The following EXOC4 variants were observed in gnomAD, a reference collection of about 807,000 sequenced individuals.
The protein encoded by EXOC4 is SEC8-like 1.
A neutral mutation model predicts 107.2 loss-of-function variants in EXOC4; 71 were observed. The observed-to-expected ratio is 0.66, with a 90% CI of 0.55 to 0.81. The LOEUF is 0.81. EXOC4 is among the 30% of genes least tolerant of loss of function. The pLI is 0.00. For missense variants in EXOC4, 1,108 were observed against 1,189.6 expected (o/e 0.93, Z 1.01); for synonymous variants, 456 against 441.2 (o/e 1.03, Z -0.42).
At chr7:133,770,235 A>G (rs572093850) in intron 10 of EXOC4, among the ~76,000 whole-genome samples, 195 of 151,992 alleles carry the variant, frequency 1.3e-3, no homozygotes, top group African/African-American at 4.4e-3. Flanking sequence ...TCTCTCAGGT[A>G]GATGCTAGAG....
chr7:133,901,294 C>CT (rs1242665775), intron 12 of EXOC4, among the ~76,000 whole-genome samples: 2 of 152,026 alleles, frequency 1.3e-5, no homozygotes, highest in East Asian at 3.9e-4. Context: ...CATAAGCAAT[C>CT]TTTTTTTTAT....
intron 9 of EXOC4, among the ~76,000 whole-genome samples, chr7:133,604,004 A>G (rs1801872005): frequency 1.1e-5 from 1 of 88,514 alleles, no homozygotes; most frequent in East Asian, 3.9e-4. Context: ...CTAATTTCAG[A>G]ATTTTTTTTT....
At chr7:134,080,689 T>A in the EXOC4 span, among the ~76,000 whole-genome samples, 4 of 151,992 alleles carry the variant, frequency 2.6e-5, no homozygotes, top group Admixed American at 2.0e-4. Flanking sequence ...ATGCCCATAA[T>A]CCCATTCTTT....
chr7:133,605,760 T>A (rs896622356), intron 9 of EXOC4, among the ~76,000 whole-genome samples: 1 of 151,980 alleles, frequency 6.6e-6, no homozygotes, highest in Non-Finnish European at 1.5e-5. Flanking sequence ...GCTGGAGATA[T>A]GAGTTGAGGA....
chr7:133,757,770 G>A (rs544846736), intron 10 of EXOC4, among the ~76,000 whole-genome samples: 12 of 152,232 alleles, frequency 7.9e-5, no homozygotes, highest in Admixed American at 2.0e-4. Context: ...TACTGTGTGG[G>A]TGCTTCTGTG....
In EXOC4 at chr7:133,475,336, A is replaced by T; in HGVS notation, c.1191A>T (p.Leu397Phe). ...VKIQDVLQML[L>F]TEYLDMKNTR... ...TTTATCTGGTTGTACAGATGCTATT[A>T]ACTGAGTACTTGGATATGAAAAATA... The change falls in exon 8 of 18, where the codon TTA becomes TTT. Residue 397 changes from leucine (L) to phenylalanine (F), a missense_variant. Transcript: ENST00000253861. 6.2e-7 allele frequency: 1 copy of T among 1,612,296 alleles called. No individual in the cohort carries two copies. The highest frequency in any genetic ancestry group is 8.5e-7 in the Non-Finnish European group (1 of 1,178,626).
At chr7:133,969,029 T>A (rs1368410510) in intron 14 of EXOC4, among the ~76,000 whole-genome samples, 1 of 152,198 alleles carries the variant, frequency 6.6e-6, no homozygotes, top group Non-Finnish European at 1.5e-5. Flanking sequence ...CTTAGAGGCT[T>A]TGATCGTTCC....
intron 11 of EXOC4, among the ~76,000 whole-genome samples, chr7:133,856,648 T>C (rs115216277): frequency 6.6e-6 from 1 of 152,190 alleles, no homozygotes; most frequent in Non-Finnish European, 1.5e-5. Context: ...ACATTTATAA[T>C]AATAACTATG....
At chr7:133,749,955 GTTTTTTT>G (rs56902982) in intron 10 of EXOC4, among the ~76,000 whole-genome samples, 7 of 62,106 alleles carry the variant, frequency 1.1e-4, no homozygotes, top group South Asian at 1.5e-3. Flanking sequence ...GTGGTTGGCA[GTTTTTTT>G]TTTTTTTTTT....
intron 6 of EXOC4, among the ~76,000 whole-genome samples, chr7:133,360,161 G>C (rs1440161766): frequency 2.0e-5 from 3 of 152,120 alleles, no homozygotes; most frequent in Non-Finnish European, 4.4e-5. Context: ...TTCAACTCCT[G>C]CTGCCTAATT....
intron 7 of EXOC4, among the ~76,000 whole-genome samples, chr7:133,460,254 G>C (rs1798559302): frequency 6.6e-6 from 1 of 152,174 alleles, no homozygotes; most frequent in African/African-American, 2.4e-5. Context: ...ATCTAATGCT[G>C]CTGACGGGAG....
chr7:133,823,853 AT>A (rs1256787890), intron 11 of EXOC4, among the ~76,000 whole-genome samples: 1 of 15,976 alleles, frequency 6.3e-5, no homozygotes, highest in Non-Finnish European at 8.9e-5. Flanking sequence ...TTATATATAT[AT>A]ATATATATAT....
intron 9 of EXOC4, among the ~76,000 whole-genome samples, chr7:133,554,490 T>C (rs953465690): frequency 1.3e-5 from 2 of 152,198 alleles, no homozygotes; most frequent in Admixed American, 6.5e-5. Context: ...TGTACCTATC[T>C]GCCTGATCTG....
intron 5 of EXOC4, among the ~76,000 whole-genome samples, chr7:133,354,286 TC>T (rs1795976572): frequency 6.6e-6 from 1 of 152,126 alleles, no homozygotes; most frequent in South Asian, 2.1e-4. Flanking sequence ...CTCCCTCTTT[TC>T]CCGGGTTCTC....
At chr7:133,366,419 TTAAAGAA>T (rs927522850) in intron 6 of EXOC4, among the ~76,000 whole-genome samples, 5 of 152,224 alleles carry the variant, frequency 3.3e-5, no homozygotes, top group African/African-American at 1.2e-4. Context: ...AGAAGTGTGT[TTAAAGAA>T]TAAACACTTT....
chr7:133,334,060 T>C (rs1184608821), intron 5 of EXOC4, among the ~76,000 whole-genome samples: 1 of 152,238 alleles, frequency 6.6e-6, no homozygotes, highest in East Asian at 1.9e-4. Flanking sequence ...TGTTATTTAT[T>C]TGCAATACTT....
At chr7:133,367,009 G>A (rs949103872) in intron 6 of EXOC4, among the ~76,000 whole-genome samples, 1 of 152,190 alleles carries the variant, frequency 6.6e-6, no homozygotes, top group East Asian at 1.9e-4. Context: ...GATGGCTTGG[G>A]TATGAGGGAG....
At chr7:133,818,956 A>C (rs1411198762) in intron 11 of EXOC4, among the ~76,000 whole-genome samples, 1 of 152,094 alleles carries the variant, frequency 6.6e-6, no homozygotes, top group Non-Finnish European at 1.5e-5. Flanking sequence ...GATAGGCAGC[A>C]CAAGTAGAAG....
chr7:133,383,157 C>G (rs1208987399), intron 7 of EXOC4, among the ~76,000 whole-genome samples: 1 of 152,112 alleles, frequency 6.6e-6, no homozygotes, highest in Non-Finnish European at 1.5e-5. Flanking sequence ...GTATAAAAGA[C>G]TGAGGTACAC....
Sources: allele counts gnomAD v4.1 joint callset (sites outside exome capture counted in the v4.1 genomes callset), GRCh38; gene constraint gnomAD v4.1.1; transcripts MANE v1.5; gene names NCBI Gene and HGNC (gene_info 2026-07-23, HGNC 2026-07-21).